Variants in MTUS2 observed in about 807,000 individuals in gnomAD.
MTUS2 encodes microtubule-associated tumor suppressor candidate 2.
In MTUS2, 40 loss-of-function variants were observed where a neutral mutation model predicts 114.1. The observed-to-expected ratio is 0.35, with a 90% confidence interval of 0.27 to 0.46. The LOEUF (loss-of-function observed/expected upper bound fraction) is 0.46, where lower values mean the gene tolerates loss of function less well. MTUS2 is among the 20% of genes least tolerant of loss of function. The pLI, the probability that MTUS2 is intolerant of heterozygous loss-of-function variation, is 1.00. For missense variants in MTUS2, 1,679 were observed against 1,705.4 expected, an observed-to-expected ratio of 0.98 and a Z score of 0.27; for synonymous variants, 688 against 672.0, an observed-to-expected ratio of 1.02 and a Z score of -0.37.
chr13:29,325,429 C>G (rs2138022386), intron 7 of MTUS2, among the ~76,000 whole-genome samples: 1 of 133,806 alleles, frequency 7.5e-6, no homozygotes, highest in Admixed American at 8.5e-5. Flanking sequence ...ACACTCCAGC[C>G]TGGGTGACAG....
chr13:28,896,677 C>G (rs1332552325), intron 2 of MTUS2, among the ~76,000 whole-genome samples: 1 of 152,200 alleles, frequency 6.6e-6, no homozygotes, highest in Non-Finnish European at 1.5e-5. Flanking sequence ...GTAACCAAAA[C>G]AGCATGGTAC....
At chr13:28,888,163 A>G (rs893356054) in intron 2 of MTUS2, among the ~76,000 whole-genome samples, 3 of 152,096 alleles carry the variant, frequency 2.0e-5, no homozygotes, top group Non-Finnish European at 4.4e-5. Flanking sequence ...ACTGTTGACT[A>G]TTGTATATTT....
At chr13:28,877,534 C>G (rs1167797366) in intron 2 of MTUS2, among the ~76,000 whole-genome samples, 1 of 152,042 alleles carries the variant, frequency 6.6e-6, no homozygotes, top group Non-Finnish European at 1.5e-5. Context: ...AGAAGTATAA[C>G]CGAGAATGTC....
At chr13:29,252,723 C>T (rs533250409) in intron 5 of MTUS2, among the ~76,000 whole-genome samples, 2 of 152,126 alleles carry the variant, frequency 1.3e-5, no homozygotes, top group Non-Finnish European at 2.9e-5. Context: ...ATAAGTCTCA[C>T]GAGATCCCTC....
At position 29,056,308 on chromosome 13, in the gene MTUS2, A is replaced by G. The variant is rs577372365; in HGVS notation, c.2446+22183A>G. 1.2e-4 allele frequency among the ~76,000 whole-genome samples: 18 copies of G among 152,162 alleles called. No individual in the cohort carries two copies. In the East Asian group the frequency reaches 2.3e-3, roughly 20 times the overall value. On this transcript the variant is annotated intron_variant, in intron 4 of 15. Transcript: ENST00000612955. ...TTCCATCTTCTGCATATGATTAGCC[A>G]GTTACCCCAGCGCCATTTATTGAAT... is the stretch of plus-strand genomic sequence containing the variant.
chr13:28,895,933 A>G (rs1879238911), intron 2 of MTUS2, among the ~76,000 whole-genome samples: 1 of 152,188 alleles, frequency 6.6e-6, no homozygotes, highest in African/African-American at 2.4e-5. Context: ...TCTATTGGAT[A>G]ATGTGGTGTG....
intron 5 of MTUS2, among the ~76,000 whole-genome samples, chr13:29,276,770 C>T (rs572327168): frequency 1.3e-5 from 2 of 152,000 alleles, no homozygotes; most frequent in Admixed American, 1.3e-4. Flanking sequence ...TGGTGGTGGG[C>T]GCCTGTAGTC....
intron 6 of MTUS2, among the ~76,000 whole-genome samples, chr13:29,308,518 C>T (rs1899591234): frequency 6.6e-6 from 1 of 152,096 alleles, no homozygotes; most frequent in Non-Finnish European, 1.5e-5. Flanking sequence ...GATGAAAACA[C>T]CAAAAGCAAT....
chr13:29,459,138 A>T (rs1379726033), intron 9 of MTUS2, among the ~76,000 whole-genome samples: 1 of 152,220 alleles, frequency 6.6e-6, no homozygotes, highest in African/African-American at 2.4e-5. Flanking sequence ...CGAAGCTTCC[A>T]AGGAGATTGG....
At chr13:29,149,319 T>A (rs1031531573) in intron 5 of MTUS2, among the ~76,000 whole-genome samples, 1 of 152,258 alleles carries the variant, frequency 6.6e-6, no homozygotes, top group South Asian at 2.1e-4. Flanking sequence ...CGCATGTATG[T>A]CTTCTTTTGA....
In MTUS2 at chr13:29,340,585, C is replaced by G. The variant is rs143739051; in HGVS notation, c.2905+15874C>G. Among the ~76,000 whole-genome samples, 13 of 152,244 alleles carry G rather than the reference C, an allele frequency of 8.5e-5. No individual in the cohort carries two copies. In the East Asian group the frequency reaches 1.9e-3, roughly 23 times the overall value. ...TGGATTTCCTGTGATTTCCAGCCTT[C>G]GTACATTCATGAATAGATTATCTGT... On this transcript the variant is annotated intron_variant, in intron 7 of 15. Transcript: ENST00000612955.
intron 8 of MTUS2, among the ~76,000 whole-genome samples, chr13:29,403,027 G>T (rs1874466986): frequency 6.6e-6 from 1 of 152,168 alleles, no homozygotes; most frequent in Admixed American, 6.5e-5. Context: ...GAGCCACCGC[G>T]CCCAGCCCCA....
intron 5 of MTUS2, among the ~76,000 whole-genome samples, chr13:29,193,540 C>T (rs997901957): frequency 1.8e-4 from 27 of 152,056 alleles, no homozygotes; most frequent in Admixed American, 1.0e-3. Context: ...TTACAAGGGA[C>T]GTGAAGGACC....
intron 4 of MTUS2, among the ~76,000 whole-genome samples, chr13:29,095,395 G>T (rs1450293109): frequency 6.6e-6 from 1 of 152,016 alleles, no homozygotes; most frequent in Non-Finnish European, 1.5e-5. Flanking sequence ...TTATCATTGT[G>T]AACTATCCCT....
At chr13:29,377,871 A>C (rs927780882) in intron 8 of MTUS2, among the ~76,000 whole-genome samples, 2 of 152,248 alleles carry the variant, frequency 1.3e-5, no homozygotes, top group African/African-American at 4.8e-5. Flanking sequence ...ACCTATAGTA[A>C]GACTGACAAA....
At chr13:29,142,107 G>A (rs1201214290) in intron 5 of MTUS2, among the ~76,000 whole-genome samples, 3 of 151,982 alleles carry the variant, frequency 2.0e-5, no homozygotes, top group South Asian at 2.1e-4. Context: ...TGATCCGCCC[G>A]CCTCGGCCTC....
At chr13:29,141,581 C>A (rs568274156) in intron 5 of MTUS2, among the ~76,000 whole-genome samples, 2 of 152,140 alleles carry the variant, frequency 1.3e-5, no homozygotes, top group African/African-American at 4.8e-5. Context: ...CTAATTTAGT[C>A]TTCCTAACCT....
At chr13:29,144,867 GAGTT>G (rs1161363166) in intron 5 of MTUS2, among the ~76,000 whole-genome samples, 1 of 152,172 alleles carries the variant, frequency 6.6e-6, no homozygotes, top group Non-Finnish European at 1.5e-5. Context: ...TAAACAATAA[GAGTT>G]AGGTAATATG....
intron 1 of MTUS2, among the ~76,000 whole-genome samples, chr13:28,830,723 G>T (rs1362328302): frequency 6.6e-6 from 1 of 151,976 alleles, no homozygotes; most frequent in Non-Finnish European, 1.5e-5. Flanking sequence ...TGAGAGTAAG[G>T]GGACAGAAAG....
Sources: gnomAD v4.1 joint callset for allele counts (sites outside exome capture counted in the v4.1 genomes callset) on GRCh38, gnomAD v4.1.1 for gene constraint, MANE v1.5 for transcripts, NCBI Gene and HGNC (gene_info 2026-07-23, HGNC 2026-07-21) for gene names.